Variants in HS1BP3 observed in about 807,000 individuals in gnomAD.
The protein encoded by HS1BP3 is HCLS1 binding protein 3.
In HS1BP3, 32 loss-of-function variants were observed where a neutral mutation model predicts 33.5. That is an observed-to-expected ratio of 0.95 (90% CI 0.72 to 1.28). The LOEUF is 1.28. HS1BP3 is among the 50% of genes most tolerant of loss of function. HS1BP3 has a pLI of 0.00. For synonymous variants in HS1BP3, 187 were observed against 209.2 expected (o/e 0.89, Z 0.92); for missense variants, 486 against 502.3 (o/e 0.97, Z 0.31).
chr2:20,554,026 A>G, the HS1BP3 span, among the ~76,000 whole-genome samples: 1 of 152,222 alleles, frequency 6.6e-6, no homozygotes, highest in Middle Eastern at 3.4e-3. Flanking sequence ...CCTGGCCCCG[A>G]TCCCTAATTC....
At chr2:20,596,331 T>C (rs938891283) in intron 3 of HS1BP3, among the ~76,000 whole-genome samples, 1 of 152,252 alleles carries the variant, frequency 6.6e-6, no homozygotes, top group Non-Finnish European at 1.5e-5. Flanking sequence ...CAAGATTCTA[T>C]TCATCTGCTC....
At chr2:20,621,342 G>A (rs898890707) in intron 6 of HS1BP3, among the ~76,000 whole-genome samples, 2 of 152,272 alleles carry the variant, frequency 1.3e-5, no homozygotes, top group Admixed American at 6.5e-5. Flanking sequence ...ACCCCAGAGA[G>A]AGAATTCAGA....
At chr2:20,612,250 G>A (rs1460587304) in intron 2 of HS1BP3, among the ~76,000 whole-genome samples, 2 of 152,150 alleles carry the variant, frequency 1.3e-5, no homozygotes, top group Non-Finnish European at 2.9e-5. Context: ...TTTAATCTCT[G>A]CACTCTGCTG....
chr2:20,633,055 A>G (rs1408950708), intron 4 of HS1BP3, among the ~76,000 whole-genome samples: 1 of 152,250 alleles, frequency 6.6e-6, no homozygotes, highest in African/African-American at 2.4e-5. Flanking sequence ...CCTTTCAGCC[A>G]CTGGGCCTCT....
chr2:20,575,392 C>G (rs1693374574), intron 5 of HS1BP3, among the ~76,000 whole-genome samples: 1 of 152,232 alleles, frequency 6.6e-6, no homozygotes. Flanking sequence ...CTTATTTCAA[C>G]CCATCAGCTG....
downstream of HS1BP3, among the ~76,000 whole-genome samples, chr2:20,612,929 G>A (rs1572332827): frequency 6.6e-6 from 1 of 152,126 alleles, no homozygotes; most frequent in Non-Finnish European, 1.5e-5. Context: ...CCATTCCACA[G>A]CCATGGATTT....
chr2:20,587,723 G>A (rs561721247), downstream of HS1BP3, among the ~76,000 whole-genome samples: 1 of 151,814 alleles, frequency 6.6e-6, no homozygotes, highest in Non-Finnish European at 1.5e-5. Flanking sequence ...TCCAGCCTGG[G>A]CGACAGAGCG....
At chr2:20,605,210 C>T (rs565213704) in intron 2 of HS1BP3, among the ~76,000 whole-genome samples, 4 of 152,162 alleles carry the variant, frequency 2.6e-5, no homozygotes, top group African/African-American at 9.7e-5. Flanking sequence ...CCTGGGAGGC[C>T]CATGGCTCCC....
chr2:20,595,256 G>T (rs939244360), intron 3 of HS1BP3, among the ~76,000 whole-genome samples: 1 of 152,194 alleles, frequency 6.6e-6, no homozygotes, highest in African/African-American at 2.4e-5. Flanking sequence ...GAACAGAGCT[G>T]TGTCTACCCT....
chr2:20,589,795 C>G (rs984354287), downstream of HS1BP3, among the ~76,000 whole-genome samples: 2 of 152,092 alleles, frequency 1.3e-5, no homozygotes, highest in Non-Finnish European at 2.9e-5. Flanking sequence ...AGGACCCAGA[C>G]TCCTCACAGC....
chr2:20,592,327 TC>T, downstream of HS1BP3: 1 of 148,364 alleles, frequency 6.7e-6, no homozygotes. Context: ...GCCATCCACC[TC>T]CCCCGCCCCG....
intron 3 of HS1BP3, among the ~76,000 whole-genome samples, chr2:20,639,182 G>A (rs112433387): frequency 4.3e-4 from 66 of 152,336 alleles, no homozygotes; most frequent in African/African-American, 1.5e-3. Flanking sequence ...GTAAGCATGT[G>A]GAAGATTCCA....
In HS1BP3 at chr2:20,651,017, G is replaced by A. The variant is rs764635061; in HGVS notation, c.32+15C>T. The A allele has an allele frequency of 8.1e-6, 10 of 1,239,138 alleles. No individual in the cohort carries two copies. The highest frequency in any genetic ancestry group is 4.6e-5 in the African/African-American group (3 of 64,904). 76.8% of individuals were successfully genotyped at this position (1,239,138 alleles called of 1,614,324 possible). ...CTGCGAGCTGTGCGGTGTGGGGCGC[G>A]GGGGTCTGGCTCACCTGGAGGTGAC... On this transcript the variant is annotated intron_variant, in intron 1 of 6. Transcript: ENST00000304031.
intron 4 of HS1BP3, among the ~76,000 whole-genome samples, chr2:20,632,278 A>C (rs1363010738): frequency 6.6e-6 from 1 of 152,170 alleles, no homozygotes; most frequent in African/African-American, 2.4e-5. Context: ...TGAGTAAACA[A>C]CCATTGCTGG....
At chr2:20,559,775 G>T (rs13025005), downstream of HS1BP3, among the ~76,000 whole-genome samples, 106,824 of 151,834 alleles carry the variant, frequency 0.7, 41,863 homozygotes, top group Non-Finnish European at 0.86. Flanking sequence ...GGCAGACATT[G>T]TCTCCAGCCC....
chr2:20,556,337 A>G (rs1385761978), downstream of HS1BP3, among the ~76,000 whole-genome samples: 1 of 152,200 alleles, frequency 6.6e-6, no homozygotes, highest in Non-Finnish European at 1.5e-5. Context: ...GTTTTGTTCC[A>G]TCAGCTTTGC....
At chr2:20,591,028 TGAGTGCTGCA>T (rs1693800164), downstream of HS1BP3, 1 of 167,152 alleles carries the variant, frequency 6.0e-6, no homozygotes, top group East Asian at 1.9e-4. Context: ...GCGCCGATGA[TGAGTGCTGCA>T]GAGACCATGG....
At chr2:20,610,095 A>G (rs1572330839) in intron 2 of HS1BP3, among the ~76,000 whole-genome samples, 1 of 152,222 alleles carries the variant, frequency 6.6e-6, no homozygotes, top group East Asian at 1.9e-4. Context: ...AGCACAATTG[A>G]ACAGAGAGTA....
At chr2:20,583,627 G>A (rs777536045) in intron 5 of HS1BP3, among the ~76,000 whole-genome samples, 1 of 152,222 alleles carries the variant, frequency 6.6e-6, no homozygotes, top group Non-Finnish European at 1.5e-5. Flanking sequence ...TGTGGCAAAG[G>A]AGTGGGGAGG....
Sources: allele counts gnomAD v4.1 joint callset (sites outside exome capture counted in the v4.1 genomes callset), GRCh38; gene constraint gnomAD v4.1.1; transcripts MANE v1.5; gene names NCBI Gene and HGNC (gene_info 2026-07-23, HGNC 2026-07-21).